Variants in ATF2 observed in about 807,000 individuals in gnomAD.
The protein encoded by ATF2 is cyclic AMP-dependent transcription factor ATF-2.
Under a neutral mutation model 60.6 loss-of-function variants are expected in ATF2, and 24 were observed. That is an observed-to-expected ratio of 0.40 (90% confidence interval 0.29 to 0.56). ATF2 has a LOEUF of 0.56. Among genes scored for constraint, ATF2 ranks in the 20% least tolerant of loss-of-function variants. The pLI is 0.54. For synonymous variants in ATF2, 206 were observed against 215.4 expected, an observed-to-expected ratio of 0.96 and a Z score of 0.38; for missense variants, 433 against 607.7, an observed-to-expected ratio of 0.71 and a Z score of 3.02.
rs1559137015 is a variant in ATF2 at position 175,168,201 on chromosome 2, GA to G, written c.-295del. 1 of 153,230 alleles carries G rather than the reference GA, an allele frequency of 6.5e-6. No homozygotes were observed. The highest frequency in any genetic ancestry group is 1.9e-4 in the East Asian group (1 of 5,204). The allele number at this position is 153,230 out of a possible 1,614,324, so 9.5% of individuals were successfully genotyped here. On this transcript the variant is annotated 5_prime_UTR_variant, in exon 1 of 14. Transcript: ENST00000264110. ...CCGTCCTCTCTCGCGAGATCGGACT[GA>G]CAACCCCCGCCCGCTCGCCCCGCTC...
intron 9 of ATF2, among the ~76,000 whole-genome samples, chr2:175,112,792 C>T (rs1696289044): frequency 6.6e-6 from 1 of 152,072 alleles, no homozygotes; most frequent in Admixed American, 6.5e-5. Context: ...GCCATGTTGC[C>T]CAGCCTGGTC....
At position 175,072,332 on chromosome 2, in the gene ATF2, G is replaced by A. The variant is rs986198246; in HGVS notation, c.*2277C>T. The A allele has an allele frequency of 6.6e-6, 1 of 152,106 alleles. No individual in the cohort carries two copies. Among genetic ancestry groups the A allele is most frequent in the Non-Finnish European group, 1.5e-5 (1 of 67,996 alleles). 9.4% of individuals were successfully genotyped at this position (152,106 alleles called of 1,614,324 possible). On this transcript the variant is annotated 3_prime_UTR_variant, in exon 14 of 14. Coordinates refer to ENST00000264110, the MANE Select transcript of ATF2 (RefSeq NM_001880.4). ...CACATAAAAGAAAATAGTACAGTTT[G>A]TGTAACATTGCAAATATAAGGACTG...
intron 10 of ATF2, among the ~76,000 whole-genome samples, chr2:175,107,203 A>C (rs550933998): frequency 1.3e-5 from 2 of 152,314 alleles, no homozygotes; most frequent in East Asian, 3.9e-4. Context: ...CTGGCCAAAA[A>C]GGAAATGGAA....
chr2:175,124,617 A>T (rs1697194757), intron 4 of ATF2, among the ~76,000 whole-genome samples: 1 of 151,910 alleles, frequency 6.6e-6, no homozygotes, highest in South Asian at 2.1e-4. Context: ...TAGTTTAAGG[A>T]CTATTGAACA....
chr2:175,100,296 T>A (rs961514875), intron 10 of ATF2, among the ~76,000 whole-genome samples: 1 of 152,236 alleles, frequency 6.6e-6, no homozygotes, highest in Admixed American at 6.5e-5. Flanking sequence ...TTTTCAGATG[T>A]CAGTTTCCTT....
At position 175,108,571 on chromosome 2, in the gene ATF2, C is replaced by G. The variant is rs527645573; in HGVS notation, c.828+2997G>C. Among the ~76,000 whole-genome samples the G allele has an allele frequency of 8.4e-4, 127 of 151,206 alleles. 3 individuals carry two copies. In the South Asian group the frequency reaches 0.024, roughly 29 times the overall value. Reference sequence around the variant, plus strand: ...GGGAGGGAGGTGGGGGGCGCCTCCGCCCGGCCAGCCGACCCGTCCGGGAGG... The same window carrying G: ...GGGAGGGAGGTGGGGGGCGCCTCCGGCCGGCCAGCCGACCCGTCCGGGAGG... On this transcript the variant is annotated intron_variant, in intron 10 of 13. Coordinates refer to ENST00000264110, the MANE Select transcript of ATF2 (RefSeq NM_001880.4).
intron 10 of ATF2, among the ~76,000 whole-genome samples, chr2:175,111,173 T>C (rs1250014458): frequency 6.6e-6 from 1 of 152,186 alleles, no homozygotes; most frequent in African/African-American, 2.4e-5. Context: ...TTTTATCATG[T>C]TTGCTAACTT....
intron 11 of ATF2, among the ~76,000 whole-genome samples, chr2:175,095,096 T>G (rs1194145759): frequency 6.6e-6 from 1 of 152,082 alleles, no homozygotes. Flanking sequence ...CCTCCTATTT[T>G]TCTTTTTCTT....
chr2:175,109,168 T>TA (rs66812318), intron 10 of ATF2, among the ~76,000 whole-genome samples: 50,341 of 82,776 alleles, frequency 0.61, 16,223 homozygotes, highest in East Asian at 0.76. Flanking sequence ...GAATGATCAA[T>TA]AAAAAAAAAA....
At chr2:175,075,371 T>C (rs1412990769) in intron 13 of ATF2, among the ~76,000 whole-genome samples, 1 of 152,186 alleles carries the variant, frequency 6.6e-6, no homozygotes, top group Non-Finnish European at 1.5e-5. Flanking sequence ...ATTCTAATGA[T>C]GCATACATAG....
chr2:175,074,876 G>A (rs2302663), intron 13 of ATF2, 41 bp from the exon 14 acceptor site: 106,063 of 1,606,176 alleles, frequency 0.066, 3,803 homozygotes, highest in East Asian at 0.14. Flanking sequence ...TCCTAAAATC[G>A]GTAAGAATGC....
chr2:175,108,069 T>C (rs1312684141), intron 10 of ATF2, among the ~76,000 whole-genome samples: 5 of 143,438 alleles, frequency 3.5e-5, no homozygotes, highest in Admixed American at 3.5e-4. Context: ...GGCTGCCCAG[T>C]CTGGGAAGTG....
chr2:175,110,337 A>AAAATAAATAAATAAAT (rs77063696), intron 10 of ATF2, among the ~76,000 whole-genome samples: 15,227 of 150,762 alleles, frequency 0.1, 1,017 homozygotes, highest in African/African-American at 0.18. Context: ...TCCATCTCAA[A>AAAATAAATAAATAAAT]AAATAAATAA....
chr2:175,096,058 T>C (rs879384173), intron 11 of ATF2, among the ~76,000 whole-genome samples: 2 of 152,188 alleles, frequency 1.3e-5, no homozygotes, highest in Non-Finnish European at 2.9e-5. Flanking sequence ...AAAGACAAGA[T>C]ACAGTTATGT....
At chr2:175,081,779 G>A (rs972072453) in intron 12 of ATF2, among the ~76,000 whole-genome samples, 8 of 152,178 alleles carry the variant, frequency 5.3e-5, no homozygotes, top group Non-Finnish European at 7.4e-5. Context: ...AGGCTGACAC[G>A]GTGGCTCACG....
chr2:175,164,979 C>T (rs1395674680), intron 1 of ATF2, among the ~76,000 whole-genome samples: 1 of 152,172 alleles, frequency 6.6e-6, no homozygotes, highest in African/African-American at 2.4e-5. Flanking sequence ...GCCTCAGCCT[C>T]CCCAGTAGCT....
At position 175,073,167 on chromosome 2, in the gene ATF2, A is replaced by T. The variant is rs979415752; in HGVS notation, c.*1442T>A. ...CTTACGCACATCTACTACTTTTAAAATTTTATGTTTAACAATTTATTCTAT... is the reference window on the plus strand; with the variant it reads ...CTTACGCACATCTACTACTTTTAAATTTTTATGTTTAACAATTTATTCTAT... On this transcript the variant is annotated 3_prime_UTR_variant, in exon 14 of 14. Transcript: ENST00000264110. 6.6e-6 allele frequency: 1 copy of T among 152,156 alleles called. No homozygotes were observed. Among genetic ancestry groups the T allele is most frequent in the Non-Finnish European group, 1.5e-5 (1 of 68,020 alleles). The allele number at this position is 152,156 out of a possible 1,614,324, so 9.4% of individuals were successfully genotyped here. A position where few individuals can be genotyped will look rare whatever the true frequency, so the allele number is the denominator to read the frequency against.
intron 3 of ATF2, among the ~76,000 whole-genome samples, chr2:175,136,000 T>C (rs1433995822): frequency 6.7e-6 from 1 of 149,682 alleles, no homozygotes; most frequent in Non-Finnish European, 1.5e-5. Flanking sequence ...AAAATATACT[T>C]TTCTTTCTTT....
chr2:175,147,328 T>C (rs1195437459), intron 2 of ATF2, among the ~76,000 whole-genome samples: 2 of 152,182 alleles, frequency 1.3e-5, no homozygotes, highest in East Asian at 1.9e-4. Flanking sequence ...AGGAAAGCAA[T>C]TCACTTCATA....
Sources: allele counts gnomAD v4.1 joint callset (sites outside exome capture counted in the v4.1 genomes callset), GRCh38; gene constraint gnomAD v4.1.1; transcripts MANE v1.5; gene names NCBI Gene and HGNC (gene_info 2026-07-23, HGNC 2026-07-21).